Variants in MARCHF1 observed in about 807,000 individuals in gnomAD.
The protein encoded by MARCHF1 is membrane associated ring-CH-type finger 1.
A neutral mutation model predicts 54.2 loss-of-function variants in MARCHF1; 40 were observed. The observed-to-expected ratio is 0.74, with a 90% CI of 0.57 to 0.96. The LOEUF (loss-of-function observed/expected upper bound fraction) is 0.96. Among genes scored for constraint, MARCHF1 ranks in the 40% least tolerant of loss-of-function variants. MARCHF1 has a pLI of 0.00. For synonymous variants in MARCHF1, 236 were observed against 236.3 expected, an observed-to-expected ratio of 1.00 and a Z score of 0.01; for missense variants, 586 against 656.5, an observed-to-expected ratio of 0.89 and a Z score of 1.17.
intron 5 of MARCHF1, among the ~76,000 whole-genome samples, chr4:163,650,795 C>T (rs1043706114): frequency 2.6e-5 from 4 of 151,826 alleles, no homozygotes; most frequent in Non-Finnish European, 5.9e-5. Context: ...TGTCTTCCAC[C>T]CTAGAATGTC....
At chr4:163,560,340 G>T (rs1330981317) in intron 8 of MARCHF1, among the ~76,000 whole-genome samples, 1 of 152,110 alleles carries the variant, frequency 6.6e-6, no homozygotes, top group Non-Finnish European at 1.5e-5. Flanking sequence ...GACTGTATAT[G>T]TGTGGCTCTA....
Position 163,577,423 on chromosome 4 carries a change from A to G in MARCHF1, c.1191+8326T>C, listed in dbSNP as rs189359391. Among the ~76,000 whole-genome samples, 242 of 152,162 alleles carry G rather than the reference A, an allele frequency of 1.6e-3. 2 individuals are homozygous for G. Among genetic ancestry groups the G allele is most frequent in the African/African-American group, 5.6e-3 (234 of 41,546 alleles). ...AAATGGGCCTCTGATATCCCCTGGC[A>G]TGTAGGATTCCTTCTGAGAAGTCCA... On this transcript the variant is annotated intron_variant, in intron 8 of 9. Transcript: ENST00000514618.
intron 5 of MARCHF1, among the ~76,000 whole-genome samples, chr4:163,648,572 C>T (rs1207148714): frequency 2.0e-5 from 3 of 148,906 alleles, no homozygotes; most frequent in South Asian, 4.2e-4. Flanking sequence ...TAATAGTACC[C>T]CCATTCTATA....
chr4:164,032,075 C>T (rs1280241091), intron 2 of MARCHF1, among the ~76,000 whole-genome samples: 2 of 152,066 alleles, frequency 1.3e-5, no homozygotes, highest in African/African-American at 4.8e-5. Context: ...GGATATGTGT[C>T]CAGAAATTTA....
chr4:163,804,700 T>A (rs890153375), intron 4 of MARCHF1, among the ~76,000 whole-genome samples: 4 of 152,134 alleles, frequency 2.6e-5, no homozygotes, highest in African/African-American at 9.7e-5. Context: ...CAAAGCTGAA[T>A]CAATCATCCA....
intron 1 of MARCHF1, among the ~76,000 whole-genome samples, chr4:164,277,074 T>C (rs1485683024): frequency 1.3e-5 from 2 of 151,926 alleles, no homozygotes; most frequent in African/African-American, 2.4e-5. Flanking sequence ...ATCATGCCTG[T>C]TTGCAGTTAT....
At chr4:164,374,595 T>A (rs912213509) in intron 1 of MARCHF1, among the ~76,000 whole-genome samples, 2 of 152,160 alleles carry the variant, frequency 1.3e-5, no homozygotes, top group Non-Finnish European at 2.9e-5. Context: ...AAGACTCATC[T>A]TCTCTACCAT....
intron 4 of MARCHF1, among the ~76,000 whole-genome samples, chr4:163,842,769 T>C (rs1749377273): frequency 6.6e-6 from 1 of 152,216 alleles, no homozygotes; most frequent in Non-Finnish European, 1.5e-5. Flanking sequence ...TACACTTACA[T>C]GTCTTTGTTT....
At chr4:163,935,292 C>A (rs900731834) in intron 3 of MARCHF1, among the ~76,000 whole-genome samples, 4 of 152,152 alleles carry the variant, frequency 2.6e-5, no homozygotes, top group African/African-American at 9.7e-5. Flanking sequence ...TGAAGTCGGG[C>A]ATTGACTTAT....
intron 1 of MARCHF1, among the ~76,000 whole-genome samples, chr4:164,247,936 G>C (rs1733004240): frequency 2.0e-5 from 3 of 151,146 alleles, no homozygotes; most frequent in African/African-American, 7.3e-5. Context: ...AAGAGCTTGG[G>C]AATGTGAGAT....
intron 3 of MARCHF1, among the ~76,000 whole-genome samples, chr4:163,861,447 A>G (rs909257704): frequency 1.3e-5 from 2 of 152,156 alleles, no homozygotes; most frequent in African/African-American, 4.8e-5. Flanking sequence ...CCTATATACA[A>G]TCAATGCACA....
intron 3 of MARCHF1, among the ~76,000 whole-genome samples, chr4:163,988,288 C>G (rs191816914): frequency 6.6e-6 from 1 of 152,248 alleles, no homozygotes; most frequent in East Asian, 1.9e-4. Context: ...AGGAAGTGTC[C>G]CTATGGATCT....
At chr4:163,594,080 T>G (rs1740678319) in intron 7 of MARCHF1, among the ~76,000 whole-genome samples, 1 of 152,158 alleles carries the variant, frequency 6.6e-6, no homozygotes, top group Non-Finnish European at 1.5e-5. Flanking sequence ...CAAGTGCTGT[T>G]GTATGCAAAG....
intron 5 of MARCHF1, among the ~76,000 whole-genome samples, chr4:163,658,337 A>G (rs1743223971): frequency 6.6e-6 from 1 of 152,218 alleles, no homozygotes; most frequent in African/African-American, 2.4e-5. Context: ...AGAGAAATGC[A>G]AATCACAATG....
At chr4:163,660,785 A>G (rs1185688087) in intron 5 of MARCHF1, among the ~76,000 whole-genome samples, 1 of 152,034 alleles carries the variant, frequency 6.6e-6, no homozygotes, top group East Asian at 1.9e-4. Flanking sequence ...CCTGTGAATA[A>G]ACACTCTGTA....
chr4:164,026,935 C>G (rs970271368), intron 2 of MARCHF1, among the ~76,000 whole-genome samples: 1 of 151,936 alleles, frequency 6.6e-6, no homozygotes, highest in Non-Finnish European at 1.5e-5. Context: ...CATTTCTGTA[C>G]ACTAATCATG....
intron 1 of MARCHF1, among the ~76,000 whole-genome samples, chr4:164,307,032 T>A (rs980542817): frequency 6.6e-6 from 1 of 152,192 alleles, no homozygotes; most frequent in Non-Finnish European, 1.5e-5. Context: ...TAAAATTTAC[T>A]TTAAACCTTT....
At chr4:164,117,836 G>T (rs13121400) in intron 1 of MARCHF1, among the ~76,000 whole-genome samples, 6,849 of 151,770 alleles carry the variant, frequency 0.045, 215 homozygotes, top group Middle Eastern at 0.14. Flanking sequence ...GGAGGTGGAG[G>T]TTGCAGTGAG....
chr4:163,742,397 CCCTTCCTTCCTTCCTTCCTT>C (rs201806407), intron 4 of MARCHF1, among the ~76,000 whole-genome samples: 22 of 91,300 alleles, frequency 2.4e-4, no homozygotes, highest in African/African-American at 8.4e-4. Flanking sequence ...CTTCCTTCCT[CCCTTCCTTCCTTCCTTCCTT>C]CCTTCCTTCC....
Sources: allele counts gnomAD v4.1 joint callset (sites outside exome capture counted in the v4.1 genomes callset), GRCh38; gene constraint gnomAD v4.1.1; transcripts MANE v1.5; gene names NCBI Gene and HGNC (gene_info 2026-07-23, HGNC 2026-07-21).